GABRR2: variants seen among roughly 807,000 people sequenced by gnomAD.
GABRR2 encodes gamma-aminobutyric acid receptor subunit rho-2.
In GABRR2, 36 loss-of-function variants were observed where a neutral mutation model predicts 47.0. The ratio of observed to expected loss-of-function variants is 0.77; its 90% CI spans 0.59 to 1.01. GABRR2 has a LOEUF of 1.01. Ranked by LOEUF, GABRR2 falls within the 50% of genes least tolerant of loss-of-function variation. GABRR2 has a pLI of 0.00. For missense variants in GABRR2, 587 were observed against 594.6 expected (o/e 0.99, Z 0.13); for synonymous variants, 204 against 227.5 (o/e 0.90, Z 0.93).
chr6:89,258,941 T>C (rs1436674303), intron 8 of GABRR2, among the ~76,000 whole-genome samples: 1 of 150,252 alleles, frequency 6.7e-6, no homozygotes, highest in Non-Finnish European at 1.5e-5. Context: ...GTGCAGTTTT[T>C]GCCACACAAA....
rs1043714987 is a variant in GABRR2 at position 89,257,490 on chromosome 6, G to T, written c.*180C>A. On this transcript the variant is annotated 3_prime_UTR_variant, in exon 9 of 9. Transcript: ENST00000402938. ...CATGAACATGGAGCAGCCCCACGGG[G>T]TCTGGGGTCAGGGCAGCTGGAAGGC... is the stretch of plus-strand genomic sequence containing the variant. The T allele has an allele frequency of 1.7e-5, 10 of 604,190 alleles. No homozygotes were observed. The highest frequency in any genetic ancestry group is 2.9e-5 in the Non-Finnish European group (10 of 343,064). The allele number at this position is 604,190 out of a possible 1,614,324, so 37.4% of individuals were successfully genotyped here. A position where few individuals can be genotyped will look rare whatever the true frequency, so the allele number is the denominator to read the frequency against.
At chr6:89,286,999 G>C (rs1362607159) in intron 2 of GABRR2, among the ~76,000 whole-genome samples, 1 of 152,186 alleles carries the variant, frequency 6.6e-6, no homozygotes. Flanking sequence ...ACCTCACCCA[G>C]TGTGGGGAAG....
At chr6:89,264,370 C>A in intron 8 of GABRR2, 42 bp downstream of exon 8, 1 of 1,578,402 alleles carries the variant, frequency 6.3e-7, no homozygotes, top group Non-Finnish European at 8.6e-7. Flanking sequence ...CATTTTCACC[C>A]AGCAGCATGG....
chr6:89,267,759 GTT>G lies in GABRR2; in HGVS notation c.654_655del (p.Lys218AsnfsTer3). The G allele has an allele frequency of 6.2e-7, 1 of 1,613,836 alleles. No homozygotes were observed. Among genetic ancestry groups the G allele is most frequent in the Non-Finnish European group, 8.5e-7 (1 of 1,179,764 alleles). ...CTGAGACAAGGAGATCTTCTCATCT[GTT>G]TTTAGGGATTCATCCCCATTCTTCC... On this transcript the variant is annotated frameshift_variant, in exon 6 of 9. Transcript: ENST00000402938. LOFTEE classifies it high-confidence loss of function.
At chr6:89,302,988 C>A in intron 1 of GABRR2, 1 of 1,297,908 alleles carries the variant, frequency 7.7e-7, no homozygotes, top group Non-Finnish European at 1.1e-6. Flanking sequence ...TGGAGATCAC[C>A]GAGGCCAAGA....
rs1562379278 is a variant in GABRR2, at chr6:89,292,718, ATATATATCGTATATATCATATATAATCG to A, written c.220+7013_220+7040del. Among the ~76,000 whole-genome samples the A allele has an allele frequency of 1.3e-4, 19 of 143,950 alleles. 2 individuals are homozygous for A. Among genetic ancestry groups the A allele is most frequent in the South Asian group, 4.4e-4 (2 of 4,550 alleles). The allele number at this position is 143,950 out of a possible 152,430, so 94.4% of individuals were successfully genotyped here. A position where few individuals can be genotyped will look rare whatever the true frequency, so the allele number is the denominator to read the frequency against. On this transcript the variant is annotated intron_variant, in intron 2 of 8. Coordinates refer to ENST00000402938, the MANE Select transcript of GABRR2 (RefSeq NM_002043.5). ...ATATCGTATCTCTGATATATATCAG[ATATATATCGTATATATCATATATAATCG>A]TATATATCGTATATACGATATATCG...
intron 3 of GABRR2, among the ~76,000 whole-genome samples, chr6:89,271,325 C>T (rs1774044801): frequency 6.6e-6 from 1 of 152,194 alleles, no homozygotes; most frequent in South Asian, 2.1e-4. Context: ...CAGCCTGAAA[C>T]TGTCCACCTC....
At chr6:89,272,828 G>C (rs144343429) in intron 2 of GABRR2, among the ~76,000 whole-genome samples, 1 of 152,148 alleles carries the variant, frequency 6.6e-6, no homozygotes, top group Admixed American at 6.5e-5. Flanking sequence ...GGCCATGGGC[G>C]GGGAAGGAGG....
rs1352725381 is a variant in GABRR2 at position 89,282,973 on chromosome 6, ACACT to A, written c.221-11255_221-11252del. Among the ~76,000 whole-genome samples, 14 of 152,342 alleles carry A rather than the reference ACACT, an allele frequency of 9.2e-5. No individual in the cohort carries two copies. The South Asian group carries it at 2.7e-3, about 29-fold the overall frequency. On this transcript the variant is annotated intron_variant, in intron 2 of 8. Transcript: ENST00000402938. ...CATCCTGTGTGCTGCACACGTGGTC[ACACT>A]CACTAGCTGAGGACTGACTCCTCAA...
At chr6:89,268,685 T>C (rs1389865007) in intron 4 of GABRR2, among the ~76,000 whole-genome samples, 2 of 152,124 alleles carry the variant, frequency 1.3e-5, no homozygotes. Flanking sequence ...TAATCTATTT[T>C]TTTAAAAGCT....
intron 2 of GABRR2, among the ~76,000 whole-genome samples, chr6:89,287,907 G>A (rs12193786): frequency 0.059 from 8,979 of 152,252 alleles, 344 homozygotes; most frequent in Non-Finnish European, 0.081. Flanking sequence ...CTCTGAACAG[G>A]TGCTATAATT....
rs927613315 is a variant in GABRR2 at position 89,264,321 on chromosome 6, A to G, written c.1086+91T>C. 21 of 1,402,928 alleles carry G rather than the reference A, an allele frequency of 1.5e-5. No individual in the cohort carries two copies. In the Middle Eastern group the frequency reaches 5.5e-4, roughly 37 times the overall value. 86.9% of individuals were successfully genotyped at this position (1,402,928 alleles called of 1,614,324 possible). ...TTGCACAAACATCTCCTTTTTCTAC[A>G]TGCAACCCCTGCCTCTGCCCCCTGG... On this transcript the variant is annotated intron_variant, in intron 8 of 8. Coordinates refer to ENST00000402938, the MANE Select transcript of GABRR2 (RefSeq NM_002043.5).
At chr6:89,272,682 G>T (rs1774080430) in intron 2 of GABRR2, among the ~76,000 whole-genome samples, 1 of 152,208 alleles carries the variant, frequency 6.6e-6, no homozygotes, top group Non-Finnish European at 1.5e-5. Context: ...AGCTGCACGT[G>T]GGTCCTCTGA....
intron 1 of GABRR2, among the ~76,000 whole-genome samples, chr6:89,306,994 G>C: frequency 6.6e-6 from 1 of 152,160 alleles, no homozygotes; most frequent in Non-Finnish European, 1.5e-5. Flanking sequence ...AAGAGCGTTA[G>C]GCTAGGGTTT....
rs750992845 is a variant in GABRR2, at chr6:89,267,754, C to A, written c.661G>T (p.Glu221Ter). The A allele has an allele frequency of 1.2e-6, 2 of 1,613,906 alleles. No homozygotes were observed. Among genetic ancestry groups the A allele is most frequent in the Non-Finnish European group, 1.7e-6 (2 of 1,179,812 alleles). The change falls in exon 6 of 9, where the codon GAG (glutamate) becomes TAG (stop). Residue 221 changes from glutamate to a stop codon, truncating the protein, a stop_gained. Coordinates refer to ENST00000402938, the MANE Select transcript of GABRR2 (RefSeq NM_002043.5). LOFTEE classifies it high-confidence loss of function. Reference protein sequence around the residue: ...KNGDESLKTDEKISLSQFLIQ... With the variant: ...KNGDESLKTD ...AGAAACTGAGACAAGGAGATCTTCT[C>A]ATCTGTTTTTAGGGATTCATCCCCA... is the stretch of plus-strand genomic sequence containing the variant.
At chr6:89,259,956 G>T (rs984927284) in intron 8 of GABRR2, among the ~76,000 whole-genome samples, 1 of 140,070 alleles carries the variant, frequency 7.1e-6, no homozygotes, top group Non-Finnish European at 1.5e-5. Context: ...TACCCAGGTT[G>T]GAGTGCAGTG....
In GABRR2 at chr6:89,294,206, G is replaced by A. The variant is rs184544140; in HGVS notation, c.220+5553C>T. On this transcript the variant is annotated intron_variant, in intron 2 of 8. Transcript: ENST00000402938. ...GTCGCCCAGGCTGGAGTGCAGTGGC[G>A]CAATCTCGGCTCACTGCAACCTCTG... Among the ~76,000 whole-genome samples the A allele has an allele frequency of 2.8e-3, 419 of 152,252 alleles. 5 individuals carry two copies. Among genetic ancestry groups the A allele is most frequent in the Admixed American group, 0.017 (265 of 15,292 alleles).
chr6:89,308,888 G>A (rs1767622193), intron 1 of GABRR2, among the ~76,000 whole-genome samples: 1 of 152,188 alleles, frequency 6.6e-6, no homozygotes, highest in Non-Finnish European at 1.5e-5. Context: ...CCATGGGGAG[G>A]GCATATATTC....
chr6:89,278,181 T>C (rs1448272402), intron 2 of GABRR2, among the ~76,000 whole-genome samples: 1 of 152,230 alleles, frequency 6.6e-6, no homozygotes, highest in Non-Finnish European at 1.5e-5. Flanking sequence ...TTCATTTATA[T>C]ACAATTCCAA....
Sources: allele counts gnomAD v4.1 joint callset (sites outside exome capture counted in the v4.1 genomes callset), GRCh38; gene constraint gnomAD v4.1.1; transcripts MANE v1.5; gene names NCBI Gene and HGNC (gene_info 2026-07-23, HGNC 2026-07-21).